The following PCTP variants were observed in gnomAD, a reference collection of about 807,000 sequenced individuals.
PCTP encodes START domain-containing protein 2.
A neutral mutation model predicts 31.0 loss-of-function variants in PCTP; 27 were observed. The ratio of observed to expected loss-of-function variants is 0.87; its 90% CI spans 0.64 to 1.20. The LOEUF (loss-of-function observed/expected upper bound fraction) is 1.20. Among genes scored for constraint, PCTP ranks in the 50% most tolerant of loss-of-function variants. The probability of loss-of-function intolerance (pLI) is 0.00; values close to 1 mark genes in which losing one functional copy is unlikely to be tolerated. For synonymous variants in PCTP, 108 were observed against 101.2 expected, an observed-to-expected ratio of 1.07 and a Z score of -0.40; for missense variants, 287 against 268.2, an observed-to-expected ratio of 1.07 and a Z score of -0.49.
At chr17:55,814,704 T>G (rs904784010) in intron 3 of PCTP, among the ~76,000 whole-genome samples, 3 of 152,208 alleles carry the variant, frequency 2.0e-5, no homozygotes, top group African/African-American at 7.2e-5. Context: ...TGGTGAACAC[T>G]GGAGAAAGGA....
At chr17:55,786,887 C>T (rs1463174518) in intron 2 of PCTP, among the ~76,000 whole-genome samples, 1 of 152,146 alleles carries the variant, frequency 6.6e-6, no homozygotes, top group African/African-American at 2.4e-5. Flanking sequence ...GGGATAGGAT[C>T]CTGCATCACC....
Position 55,776,523 on chromosome 17 carries a change from T to G in PCTP, c.*423T>G. 8.1e-7 allele frequency: 1 copy of G among 1,232,132 alleles called. No individual in the cohort carries two copies. Among genetic ancestry groups the G allele is most frequent in the Non-Finnish European group, 1.0e-6 (1 of 988,292 alleles). 76.3% of individuals were successfully genotyped at this position (1,232,132 alleles called of 1,614,324 possible). ...AGAATGACTATTTGGGCGGGCTGGC[T>G]CTTTTGCAGCTTGTGATTTCTTCCA... On this transcript the variant is annotated 3_prime_UTR_variant, in exon 6 of 6. Coordinates refer to ENST00000268896, the MANE Select transcript of PCTP (RefSeq NM_021213.4).
At chr17:55,807,971 T>C (rs914330977) in intron 3 of PCTP, among the ~76,000 whole-genome samples, 1 of 152,206 alleles carries the variant, frequency 6.6e-6, no homozygotes, top group Non-Finnish European at 1.5e-5. Flanking sequence ...TAATGATAAT[T>C]ACTGCGTTGG....
At chr17:55,752,576 G>A (rs569390721) in intron 1 of PCTP, among the ~76,000 whole-genome samples, 2 of 152,274 alleles carry the variant, frequency 1.3e-5, no homozygotes, top group East Asian at 1.9e-4. Flanking sequence ...ATTTGCTTTG[G>A]ATGCAGTCCG....
intron 5 of PCTP, among the ~76,000 whole-genome samples, chr17:55,832,698 G>A (rs1428216636): frequency 2.0e-5 from 3 of 152,158 alleles, no homozygotes; most frequent in African/African-American, 7.2e-5. Context: ...CTATCAAATT[G>A]TGTCTTGTCT....
chr17:55,824,317 T>G (rs1208991487), downstream of PCTP, among the ~76,000 whole-genome samples: 1 of 151,894 alleles, frequency 6.6e-6, no homozygotes, highest in Non-Finnish European at 1.5e-5. Flanking sequence ...ACTAACTAGA[T>G]GCAAATTTTT....
intron 2 of PCTP, chr17:55,769,486 G>A (rs1359793148): frequency 6.6e-6 from 1 of 152,224 alleles, no homozygotes; most frequent in East Asian, 1.9e-4. Flanking sequence ...GAGGAAGCAG[G>A]CAGCATGGAA....
At chr17:55,792,052 A>G (rs1189576947) in intron 3 of PCTP, among the ~76,000 whole-genome samples, 1 of 149,286 alleles carries the variant, frequency 6.7e-6, no homozygotes. Flanking sequence ...AAACTATCAC[A>G]AGAACAAAAA....
chr17:55,774,844 T>G lies in PCTP; in HGVS notation c.564T>G (p.Ile188Met). The G allele has an allele frequency of 7.5e-7, 1 of 1,342,006 alleles. No individual in the cohort carries two copies. The highest frequency in any genetic ancestry group is 4.5e-5 in the East Asian group (1 of 22,330). 83.1% of individuals were successfully genotyped at this position (1,342,006 alleles called of 1,614,324 possible). A position where few individuals can be genotyped will look rare whatever the true frequency, so the allele number is the denominator to read the frequency against. The stretch of plus-strand genomic sequence containing the variant: ...GTGGCCAAATTCCGTCCTGGCTCAT[T>G]AACTGGGCCGCCAAGGTGAGATCCC... ...NPGGQIPSWL[I>M]NWAAKNGVPN... Residue 188 changes from isoleucine to methionine, a missense_variant, in exon 5 of 6, where the codon ATT becomes ATG. By Grantham distance (10) the Ile-to-Met change is conservative. Transcript: ENST00000268896.
the PCTP span, among the ~76,000 whole-genome samples, chr17:55,849,278 A>C: frequency 1.3e-5 from 2 of 152,338 alleles, no homozygotes; most frequent in Non-Finnish European, 2.9e-5. Flanking sequence ...GCTGAAAAGG[A>C]AATGTCTAGC....
At chr17:55,834,697 A>G (rs376625306) in intron 5 of PCTP, among the ~76,000 whole-genome samples, 7 of 152,180 alleles carry the variant, frequency 4.6e-5, no homozygotes, top group Admixed American at 1.3e-4. Flanking sequence ...TTAACCTGAT[A>G]GACAGACAGC....
In PCTP at chr17:55,805,886, A is replaced by ATGTGTGTGTGTGTGTGTGTGTGTGTG. The variant is rs58345619; in HGVS notation, c.318-16869_318-16844dup. Among the ~76,000 whole-genome samples, 86 of 142,856 alleles carry ATGTGTGTGTGTGTGTGTGTGTGTGTG rather than the reference A, an allele frequency of 6.0e-4. 1 individual carries two copies. The highest frequency in any genetic ancestry group is 9.0e-4 in the Non-Finnish European group (58 of 64,522). 93.7% of individuals were successfully genotyped at this position (142,856 alleles called of 152,430 possible). A position where few individuals can be genotyped will look rare whatever the true frequency, so the allele number is the denominator to read the frequency against. On this transcript the variant is annotated intron_variant, in intron 3 of 3. Transcript: ENST00000572536. Reference sequence around the variant, plus strand: ...TTATGGTCTCTCTCTCTCAATCTGTATGTGTGTGTGTGTGTGTGTGTGTGT... The same window carrying ATGTGTGTGTGTGTGTGTGTGTGTGTG: ...TTATGGTCTCTCTCTCTCAATCTGTATGTGTGTGTGTGTGTGTGTGTGTGTGTGTGTGTGTGTGTGTGTGTGTGTGT...
At chr17:55,775,848 G>T (rs897595670) in intron 5 of PCTP, 187 bp from the exon 6 acceptor site, 12 of 1,337,400 alleles carry the variant, frequency 9.0e-6, no homozygotes, top group Non-Finnish European at 1.1e-5. Context: ...CTGTTGACTG[G>T]TCTTACTTTT....
intron 3 of PCTP, among the ~76,000 whole-genome samples, chr17:55,809,723 A>G (rs1912687997): frequency 6.6e-6 from 1 of 151,516 alleles, no homozygotes; most frequent in Non-Finnish European, 1.5e-5. Flanking sequence ...GGGTTTCACC[A>G]TGTTGGCCCA....
At chr17:55,818,874 G>T (rs1469861562) in intron 3 of PCTP, among the ~76,000 whole-genome samples, 1 of 151,910 alleles carries the variant, frequency 6.6e-6, no homozygotes, top group Non-Finnish European at 1.5e-5. Flanking sequence ...GCAAGGGCAC[G>T]GTCAGAAGGG....
chr17:55,764,705 A>G (rs1208318038), intron 1 of PCTP, among the ~76,000 whole-genome samples: 1 of 152,204 alleles, frequency 6.6e-6, no homozygotes, highest in African/African-American at 2.4e-5. Context: ...TTAAAGCTTC[A>G]GGATCTCTAG....
chr17:55,798,272 A>G (rs899077098), intron 3 of PCTP, among the ~76,000 whole-genome samples: 27 of 152,028 alleles, frequency 1.8e-4, no homozygotes, highest in African/African-American at 6.0e-4. Context: ...AAGAGTGAAG[A>G]GGGATAATAT....
At chr17:55,775,771 T>G in intron 5 of PCTP, 1 of 1,264,506 alleles carries the variant, frequency 7.9e-7, no homozygotes, top group Non-Finnish European at 9.9e-7. Flanking sequence ...AGAAACACTG[T>G]TTCAGAAACA....
chr17:55,751,628 G>T (rs926217602), intron 1 of PCTP, among the ~76,000 whole-genome samples: 1 of 152,148 alleles, frequency 6.6e-6, no homozygotes, highest in African/African-American at 2.4e-5. Flanking sequence ...TGGGGGAGGG[G>T]CGGTATCTTA....
Sources: allele counts gnomAD v4.1 joint callset (sites outside exome capture counted in the v4.1 genomes callset), GRCh38; gene constraint gnomAD v4.1.1; transcripts MANE v1.5; gene names NCBI Gene and HGNC (gene_info 2026-07-23, HGNC 2026-07-21).